The following HERC4 variants were observed in gnomAD, a reference collection of about 807,000 sequenced individuals.
HERC4 encodes the protein probable E3 ubiquitin-protein ligase HERC4.
HERC4 carries 28 observed loss-of-function variants against 124.3 expected under a neutral mutation model. That is an observed-to-expected ratio of 0.23 (90% CI 0.17 to 0.31). The LOEUF (loss-of-function observed/expected upper bound fraction) is 0.31, where lower values mean the gene tolerates loss of function less well. HERC4 is among the 10% of genes least tolerant of loss of function. HERC4 has a pLI of 1.00. For synonymous variants in HERC4, 407 were observed against 421.5 expected (o/e 0.97, Z 0.42); for missense variants, 713 against 1,229.3 (o/e 0.58, Z 6.28).
At chr10:68,048,463 G>A (rs117250878) in intron 3 of HERC4, among the ~76,000 whole-genome samples, 14,354 of 152,206 alleles carry the variant, frequency 0.094, 907 homozygotes, top group South Asian at 0.17. Context: ...AAAAGACAAC[G>A]ATGGAGACAG....
chr10:67,936,588 A>C (rs1222772270), intron 21 of HERC4, among the ~76,000 whole-genome samples: 1 of 152,234 alleles, frequency 6.6e-6, no homozygotes, highest in East Asian at 1.9e-4. Context: ...TATTCAGCTT[A>C]GAAAACCATG....
intron 15 of HERC4, among the ~76,000 whole-genome samples, chr10:67,967,145 C>A (rs1400361252): frequency 1.3e-5 from 2 of 152,174 alleles, no homozygotes; most frequent in South Asian, 4.1e-4. Context: ...TGAGCCACCA[C>A]GCCTGGCCAA....
At chr10:67,969,932 T>C (rs1377626677) in intron 15 of HERC4, among the ~76,000 whole-genome samples, 1 of 152,152 alleles carries the variant, frequency 6.6e-6, no homozygotes, top group Admixed American at 6.5e-5. Flanking sequence ...TAACAAGCAA[T>C]ACCAGTTTAC....
At chr10:68,044,595 C>T (rs766342354) in intron 3 of HERC4, 32 bp from the exon 4 acceptor site, 1 of 1,592,470 alleles carries the variant, frequency 6.3e-7, no homozygotes, top group Non-Finnish European at 8.6e-7. Flanking sequence ...ATATTGCATT[C>T]TAGTACAGAA....
At chr10:68,069,158 G>T (rs2133851392) in intron 3 of HERC4, 1 of 966,924 alleles carries the variant, frequency 1.0e-6, no homozygotes, top group Non-Finnish European at 1.2e-6. Flanking sequence ...AAAGGATCTT[G>T]TAAAGAAAAG....
chr10:67,939,550 G>T, intron 21 of HERC4, 38 bp downstream of exon 21: 1 of 1,366,902 alleles, frequency 7.3e-7, no homozygotes, highest in Non-Finnish European at 1.0e-6. Context: ...TAAAAGAGAT[G>T]ATAAATAATC....
intron 5 of HERC4, among the ~76,000 whole-genome samples, chr10:68,035,890 T>C (rs1348031705): frequency 6.6e-6 from 1 of 152,208 alleles, no homozygotes; most frequent in Non-Finnish European, 1.5e-5. Flanking sequence ...TACCCTGAAG[T>C]TTTTCTTTAT....
intron 3 of HERC4, among the ~76,000 whole-genome samples, chr10:68,062,616 C>T (rs866395641): frequency 9.2e-5 from 14 of 151,834 alleles, no homozygotes; most frequent in South Asian, 4.2e-4. Context: ...AAAAATTAGC[C>T]GGGTGTGGTG....
At chr10:68,039,332 AAAG>A in intron 4 of HERC4, 34 of 1,463,222 alleles carry the variant, frequency 2.3e-5, no homozygotes, top group South Asian at 4.2e-5. Flanking sequence ...AAAAAAAAAA[AAAG>A]AAAGAAAGAA....
chr10:68,007,491 T>C (rs1168052397), intron 9 of HERC4, among the ~76,000 whole-genome samples: 3 of 152,162 alleles, frequency 2.0e-5, no homozygotes, highest in Non-Finnish European at 2.9e-5. Context: ...GAGGTCATGT[T>C]TTCCTGGATC....
intron 3 of HERC4, chr10:68,067,801 C>T (rs1451451324): frequency 6.6e-6 from 1 of 152,090 alleles, no homozygotes; most frequent in Non-Finnish European, 1.5e-5. Flanking sequence ...CAACATAAAC[C>T]ACAATAAATT....
chr10:68,070,045 C>CA, intron 3 of HERC4: 3 of 969,814 alleles, frequency 3.1e-6, no homozygotes, highest in Non-Finnish European at 3.7e-6. Flanking sequence ...CTGTCTCAAA[C>CA]AAAACGAAAC....
At chr10:68,013,499 T>A (rs1382694710) in intron 9 of HERC4, among the ~76,000 whole-genome samples, 4 of 152,198 alleles carry the variant, frequency 2.6e-5, no homozygotes, top group Non-Finnish European at 5.9e-5. Flanking sequence ...ACTATATGAT[T>A]CCACTTCTTT....
intron 19 of HERC4, among the ~76,000 whole-genome samples, chr10:67,941,809 C>T (rs2032929974): frequency 6.6e-6 from 1 of 151,526 alleles, no homozygotes; most frequent in Admixed American, 6.6e-5. Context: ...CACACACCAC[C>T]ACAGCCAGGC....
intron 15 of HERC4, among the ~76,000 whole-genome samples, chr10:67,984,276 T>C (rs2036124786): frequency 7.0e-6 from 1 of 142,754 alleles, no homozygotes; most frequent in East Asian, 2.0e-4. Flanking sequence ...TACTCCACCC[T>C]GGACGACAGA....
intron 19 of HERC4, among the ~76,000 whole-genome samples, chr10:67,942,484 T>C (rs1373999438): frequency 2.0e-5 from 3 of 152,280 alleles, no homozygotes; most frequent in East Asian, 3.9e-4. Flanking sequence ...ATTGCTAATC[T>C]GTTTTCCTCT....
chr10:67,979,123 C>T (rs771727209), intron 15 of HERC4, among the ~76,000 whole-genome samples: 8 of 152,058 alleles, frequency 5.3e-5, no homozygotes, highest in Non-Finnish European at 1.2e-4. Context: ...AAAACATGAC[C>T]TCACCAAATG....
chr10:67,972,328 C>T (rs2035289800), intron 15 of HERC4, among the ~76,000 whole-genome samples: 1 of 150,906 alleles, frequency 6.6e-6, no homozygotes, highest in African/African-American at 2.4e-5. Flanking sequence ...TCAAGACCAG[C>T]CTGACCAACA....
At chr10:68,010,313 A>T (rs2037866483) in intron 9 of HERC4, 1 of 947,046 alleles carries the variant, frequency 1.1e-6, no homozygotes, top group East Asian at 2.8e-5. Context: ...CTGGGGTACC[A>T]AAATGGGAGC....
Sources: allele counts gnomAD v4.1 joint callset (sites outside exome capture counted in the v4.1 genomes callset), GRCh38; gene constraint gnomAD v4.1.1; transcripts MANE v1.5; gene names NCBI Gene and HGNC (gene_info 2026-07-23, HGNC 2026-07-21).